ANKS1B: variants seen among roughly 807,000 people sequenced by gnomAD.
ANKS1B encodes the protein ankyrin repeat and sterile alpha motif domain-containing protein 1B.
A neutral mutation model predicts 148.3 loss-of-function variants in ANKS1B; 36 were observed. The ratio of observed to expected loss-of-function variants is 0.24; its 90% CI spans 0.19 to 0.32. ANKS1B has a LOEUF of 0.32. ANKS1B is among the 10% of genes least tolerant of loss of function. The pLI, the probability that ANKS1B is intolerant of heterozygous loss-of-function variation, is 1.00. For missense variants in ANKS1B, 1,157 were observed against 1,542.6 expected, an observed-to-expected ratio of 0.75 and a Z score of 4.19; for synonymous variants, 542 against 560.8, an observed-to-expected ratio of 0.97 and a Z score of 0.47.
intron 12 of ANKS1B, among the ~76,000 whole-genome samples, chr12:99,337,466 T>C (rs550326804): frequency 6.6e-5 from 10 of 152,136 alleles, no homozygotes; most frequent in Non-Finnish European, 1.5e-4. Flanking sequence ...GTCTGAAAGG[T>C]TACATATCTG....
chr12:99,369,938 T>C (rs1184581941), intron 12 of ANKS1B, among the ~76,000 whole-genome samples: 1 of 151,610 alleles, frequency 6.6e-6, no homozygotes, highest in Non-Finnish European at 1.5e-5. Flanking sequence ...TGTTGGGTGA[T>C]GGGCATACGT....
chr12:99,646,998 A>C (rs919794917), intron 9 of ANKS1B, among the ~76,000 whole-genome samples: 1 of 152,144 alleles, frequency 6.6e-6, no homozygotes, highest in African/African-American at 2.4e-5. Flanking sequence ...AGAAAAAAAA[A>C]AATACATTGC....
chr12:99,425,842 C>T lies in ANKS1B; in HGVS notation c.1575+17831G>A, dbSNP rs1219445363. Among the ~76,000 whole-genome samples, 3 of 148,748 alleles carry T rather than the reference C, an allele frequency of 2.0e-5. No homozygotes were observed. The East Asian group carries it at 5.8e-4, about 29-fold the overall frequency. On this transcript the variant is annotated intron_variant, in intron 11 of 26. Transcript: ENST00000683438. ...TAACAGTTTCACTGTTTATATTTATCTCTATAGCATTAGTTACTTGTTTTC... is the reference window on the plus strand; with the variant it reads ...TAACAGTTTCACTGTTTATATTTATTTCTATAGCATTAGTTACTTGTTTTC...
At chr12:99,451,306 G>T (rs2152820729) in intron 10 of ANKS1B, among the ~76,000 whole-genome samples, 1 of 152,226 alleles carries the variant, frequency 6.6e-6, no homozygotes, top group Non-Finnish European at 1.5e-5. Context: ...TAATTCATGT[G>T]CAACATTACA....
chr12:99,419,297 C>T (rs2095010440), intron 11 of ANKS1B, among the ~76,000 whole-genome samples: 1 of 152,068 alleles, frequency 6.6e-6, no homozygotes, highest in Admixed American at 6.5e-5. Flanking sequence ...AGTTGTAGGG[C>T]TATTCACATT....
At chr12:99,665,073 G>A (rs1000531018) in intron 8 of ANKS1B, among the ~76,000 whole-genome samples, 2 of 152,086 alleles carry the variant, frequency 1.3e-5, no homozygotes, top group African/African-American at 4.8e-5. Context: ...GAATAAAGTC[G>A]CCATTAACAT....
chr12:99,891,526 G>A (rs2093109793), intron 1 of ANKS1B, among the ~76,000 whole-genome samples: 2 of 151,766 alleles, frequency 1.3e-5, no homozygotes, highest in South Asian at 2.1e-4. Context: ...GGCCCTCGTT[G>A]TGATTTTAAT....
intron 9 of ANKS1B, among the ~76,000 whole-genome samples, chr12:99,522,609 G>T (rs959428321): frequency 6.6e-6 from 1 of 152,078 alleles, no homozygotes. Flanking sequence ...CTCAGTAAAA[G>T]GTTCTATGCT....
chr12:99,775,514 T>A (rs2063571567), intron 7 of ANKS1B, 34 bp downstream of exon 7: 1 of 1,432,444 alleles, frequency 7.0e-7, no homozygotes, highest in Non-Finnish European at 9.8e-7. Flanking sequence ...ACAAGTCTAG[T>A]ATAGATTCCA....
At chr12:98,791,901 T>C (rs1335706700) in intron 22 of ANKS1B, among the ~76,000 whole-genome samples, 8 of 152,366 alleles carry the variant, frequency 5.3e-5, no homozygotes, top group Admixed American at 4.6e-4. Context: ...AAGAGGCTTT[T>C]ACATTTAGTA....
At chr12:99,584,019 A>G (rs1180121602) in intron 9 of ANKS1B, among the ~76,000 whole-genome samples, 1 of 152,112 alleles carries the variant, frequency 6.6e-6, no homozygotes. Flanking sequence ...TTAAACAGAG[A>G]CTCTAGAGCC....
At chr12:98,805,307 C>CT (rs35982671) in intron 20 of ANKS1B, among the ~76,000 whole-genome samples, 35,922 of 149,664 alleles carry the variant, frequency 0.24, 5,466 homozygotes, top group African/African-American at 0.44. Context: ...TGCTTAAGGC[C>CT]TTTTTTTTTA....
At chr12:99,246,889 A>G in intron 12 of ANKS1B, 25 bp from the exon 13 acceptor site, 1 of 1,530,808 alleles carries the variant, frequency 6.5e-7, no homozygotes, top group Non-Finnish European at 8.7e-7. Flanking sequence ...AAGGGATATC[A>G]GGGTTTATAA....
At chr12:99,045,061 C>G (rs1001497552) in intron 17 of ANKS1B, among the ~76,000 whole-genome samples, 1 of 152,118 alleles carries the variant, frequency 6.6e-6, no homozygotes, top group Non-Finnish European at 1.5e-5. Flanking sequence ...ATAATGGAAG[C>G]TTAGTCTTTT....
At chr12:99,198,282 TGAGCACATA>T (rs1390095691) in intron 14 of ANKS1B, among the ~76,000 whole-genome samples, 1 of 152,220 alleles carries the variant, frequency 6.6e-6, no homozygotes, top group Admixed American at 6.5e-5. Flanking sequence ...TAAAGCATGT[TGAGCACATA>T]GTACATTTTA....
intron 12 of ANKS1B, among the ~76,000 whole-genome samples, chr12:99,383,936 T>C (rs1335885931): frequency 6.6e-6 from 1 of 151,566 alleles, no homozygotes; most frequent in Non-Finnish European, 1.5e-5. Flanking sequence ...AGGCTGAAGC[T>C]GGGGGGTTAC....
chr12:99,357,629 T>C (rs2092121344), intron 12 of ANKS1B, among the ~76,000 whole-genome samples: 1 of 152,184 alleles, frequency 6.6e-6, no homozygotes. Flanking sequence ...CCCTGAGATG[T>C]AATTGCCTTG....
chr12:99,618,943 C>T (rs1174332248), intron 9 of ANKS1B, among the ~76,000 whole-genome samples: 1 of 152,090 alleles, frequency 6.6e-6, no homozygotes, highest in Non-Finnish European at 1.5e-5. Flanking sequence ...GTAGTCGGCA[C>T]TGGAATTGTA....
At chr12:99,725,537 T>A (rs1249482734) in intron 8 of ANKS1B, among the ~76,000 whole-genome samples, 2 of 152,120 alleles carry the variant, frequency 1.3e-5, no homozygotes, top group African/African-American at 4.8e-5. Context: ...AGACTTAGAC[T>A]CCCACACAAT....
Sources: allele counts gnomAD v4.1 joint callset (sites outside exome capture counted in the v4.1 genomes callset), GRCh38; gene constraint gnomAD v4.1.1; transcripts MANE v1.5; gene names NCBI Gene and HGNC (gene_info 2026-07-23, HGNC 2026-07-21).